The following CCDC125 variants were observed in gnomAD, a reference collection of about 807,000 sequenced individuals.
CCDC125 encodes the protein coiled-coil domain containing 125.
In CCDC125, 43 loss-of-function variants were observed where a neutral mutation model predicts 57.4. That is an observed-to-expected ratio of 0.75 (90% CI 0.59 to 0.97). The LOEUF (loss-of-function observed/expected upper bound fraction) is 0.97. Ranked by LOEUF, CCDC125 falls within the 50% of genes least tolerant of loss-of-function variation. The probability of loss-of-function intolerance (pLI) is 0.00; values close to 1 mark genes in which losing one functional copy is unlikely to be tolerated. For synonymous variants in CCDC125, 187 were observed against 195.2 expected (o/e 0.96, Z 0.35); for missense variants, 563 against 595.7 (o/e 0.95, Z 0.57).
Position 69,320,627 on chromosome 5 carries a change from C to A in CCDC125, c.-40-47G>T. On this transcript the variant is annotated intron_variant, in intron 1 of 11. Coordinates refer to ENST00000396496, the MANE Select transcript of CCDC125 (RefSeq NM_176816.5). ...GTTAGGAAAACATCAGTAGATCCAG[C>A]AACCCCACCTCTCGATATTTACCCA... The A allele has an allele frequency of 3.8e-6, 3 of 799,098 alleles. No homozygotes were observed. The South Asian group carries it at 4.9e-5, about 13-fold the overall frequency. 49.5% of individuals were successfully genotyped at this position (799,098 alleles called of 1,614,324 possible).
intron 1 of CCDC125, 78 bp from the exon 2 acceptor site, chr5:69,320,658 T>G (rs969374971): frequency 6.1e-6 from 4 of 660,668 alleles, no homozygotes; most frequent in Non-Finnish European, 1.1e-5. Flanking sequence ...ACCCAAAACA[T>G]TTGAAATCAG....
intron 2 of CCDC125, among the ~76,000 whole-genome samples, chr5:69,317,397 A>G (rs1759287571): frequency 6.6e-6 from 1 of 152,184 alleles, no homozygotes; most frequent in Admixed American, 6.5e-5. Flanking sequence ...ATACACAATA[A>G]GGAATTGGAA....
intron 2 of CCDC125, among the ~76,000 whole-genome samples, chr5:69,316,293 A>G (rs1033598520): frequency 6.6e-6 from 1 of 152,176 alleles, no homozygotes; most frequent in Non-Finnish European, 1.5e-5. Flanking sequence ...GGATTTTGAG[A>G]TGGGAGAGTA....
Position 69,282,730 on chromosome 5 carries a change from T to TTA in CCDC125, c.1534_1535insTA (p.Ter512LeufsTer30). 4 of 1,574,284 alleles carry TTA rather than the reference T, an allele frequency of 2.5e-6. No homozygotes were observed. In the Admixed American group the frequency reaches 7.8e-5, roughly 31 times the overall value. The stretch of plus-strand genomic sequence containing the variant: ...GTTCCAATTTCAACTGGCTTGTCTT[T>TTA]AAAATATGATACTTGATGGCAAAGA... On this transcript the variant is annotated frameshift_variant and stop_lost, in exon 12 of 12. Transcript: ENST00000396496. LOFTEE classifies it high-confidence loss of function.
rs1432549550 is a variant in CCDC125 at position 69,320,317 on chromosome 5, T to C, written c.224A>G (p.Gln75Arg). 6.2e-7 allele frequency: 1 copy of C among 1,614,146 alleles called. No homozygotes were observed. Among genetic ancestry groups the C allele is most frequent in the Non-Finnish European group, 8.5e-7 (1 of 1,179,992 alleles). Residue 75 changes from glutamine to arginine, a missense_variant, in exon 2 of 12, where the codon CAG becomes CGG. By Grantham distance (43) the Gln-to-Arg change is conservative. Coordinates refer to ENST00000396496, the MANE Select transcript of CCDC125 (RefSeq NM_176816.5). ...KGEERNEASF[Q>R]YSKHKSQQDT... ...TTGCTGGCTCTTATGCTTGGAATAC[T>C]GAAAACTCGCTTCATTTCTTTCTTC...
At chr5:69,279,170 GAA>G (rs1752343218), downstream of CCDC125, among the ~76,000 whole-genome samples, 2 of 146,982 alleles carry the variant, frequency 1.4e-5, no homozygotes, top group Admixed American at 1.4e-4. Context: ...CCCCTGGAAA[GAA>G]TCTGCTACCA....
At chr5:69,330,590 T>C (rs983700366) in intron 1 of CCDC125, among the ~76,000 whole-genome samples, 6 of 110,632 alleles carry the variant, frequency 5.4e-5, no homozygotes, top group Non-Finnish European at 1.2e-4. Flanking sequence ...CAAGACTCCA[T>C]CTAAAAAAAA....
At chr5:69,289,621 G>A (rs1754063865) in intron 10 of CCDC125, among the ~76,000 whole-genome samples, 1 of 152,102 alleles carries the variant, frequency 6.6e-6, no homozygotes, top group South Asian at 2.1e-4. Context: ...CAGCATTTTG[G>A]GAGGCCGAGG....
At chr5:69,283,422 G>A (rs1458114119) in intron 11 of CCDC125, among the ~76,000 whole-genome samples, 4 of 151,936 alleles carry the variant, frequency 2.6e-5, no homozygotes, top group Admixed American at 1.3e-4. Context: ...GGGTTTCACT[G>A]TGTTTGCCAG....
At chr5:69,326,239 A>G (rs1760722204) in intron 1 of CCDC125, among the ~76,000 whole-genome samples, 1 of 152,204 alleles carries the variant, frequency 6.6e-6, no homozygotes, top group Non-Finnish European at 1.5e-5. Flanking sequence ...ATCAGAGTAT[A>G]CCAAGTTTCT....
intron 10 of CCDC125, among the ~76,000 whole-genome samples, chr5:69,285,915 A>G (rs1280883922): frequency 6.6e-6 from 1 of 152,054 alleles, no homozygotes; most frequent in Non-Finnish European, 1.5e-5. Context: ...TTGAATCCTC[A>G]TTCAGCCACT....
At chr5:69,332,599 A>C (rs968796029) in intron 1 of CCDC125, 50 bp downstream of exon 1, 5 of 152,238 alleles carry the variant, frequency 3.3e-5, no homozygotes, top group African/African-American at 1.2e-4. Flanking sequence ...GTTTCCACGA[A>C]TCTGCGCATC....
intron 1 of CCDC125, among the ~76,000 whole-genome samples, chr5:69,325,527 T>A (rs1048278765): frequency 2.0e-5 from 3 of 151,620 alleles, no homozygotes; most frequent in Admixed American, 6.6e-5. Context: ...GGATTTTTTT[T>A]AAGAGACAGG....
At chr5:69,294,622 ACCAGG>A (rs1216107227) in intron 9 of CCDC125, among the ~76,000 whole-genome samples, 166 bp downstream of exon 9, 3 of 152,204 alleles carry the variant, frequency 2.0e-5, no homozygotes. Context: ...GTATTTTGGA[ACCAGG>A]TAAACAAAAT....
chr5:69,291,921 A>G (rs1352043669), intron 10 of CCDC125, among the ~76,000 whole-genome samples: 1 of 152,184 alleles, frequency 6.6e-6, no homozygotes, highest in African/African-American at 2.4e-5. Context: ...TTCACTAAAC[A>G]TGGTCTTATT....
intron 10 of CCDC125, 38 bp downstream of exon 10, chr5:69,292,150 A>C: frequency 6.5e-7 from 1 of 1,537,258 alleles, no homozygotes; most frequent in Non-Finnish European, 8.8e-7. Context: ...AAACAACTAA[A>C]ATTACACCCA....
At position 69,281,425 on chromosome 5, in the gene CCDC125, G is replaced by A. The variant is rs1241877155; in HGVS notation, c.*1304C>T. ...GCTCAGGCAGCTTCTTCAGATTCCT[G>A]AGACCCCATTTCCTGGATCATCACA... On this transcript the variant is annotated 3_prime_UTR_variant, in exon 12 of 12. Transcript: ENST00000396496. The A allele has an allele frequency of 6.6e-6, 1 of 152,092 alleles. No individual in the cohort carries two copies. The highest frequency in any genetic ancestry group is 1.5e-5 in the Non-Finnish European group (1 of 68,078). The allele number at this position is 152,092 out of a possible 1,614,324, so 9.4% of individuals were successfully genotyped here.
chr5:69,308,094 G>A, intron 4 of CCDC125, 66 bp from the exon 5 acceptor site: 2 of 1,108,570 alleles, frequency 1.8e-6, no homozygotes, highest in Non-Finnish European at 2.7e-6. Context: ...ACATCATGAA[G>A]TTCTCTTTTA....
At position 69,283,184 on chromosome 5, in the gene CCDC125, G is replaced by A; in HGVS notation, c.1231-150C>T. 1.1e-5 allele frequency: 6 copies of A among 564,724 alleles called. No individual in the cohort carries two copies. In the South Asian group the frequency reaches 1.7e-4, roughly 16 times the overall value. 35.0% of individuals were successfully genotyped at this position (564,724 alleles called of 1,614,324 possible). On this transcript the variant is annotated intron_variant, in intron 11 of 11. Transcript: ENST00000396496. ...AGTATGAATAAATTAGGTATCACCT[G>A]ATCCCCAAACATTATACTACATGTT... is the stretch of plus-strand genomic sequence containing the variant.
Sources: gnomAD v4.1 joint callset for allele counts (sites outside exome capture counted in the v4.1 genomes callset) on GRCh38, gnomAD v4.1.1 for gene constraint, MANE v1.5 for transcripts, NCBI Gene and HGNC (gene_info 2026-07-23, HGNC 2026-07-21) for gene names.